SAMD12: variants seen among roughly 807,000 people sequenced by gnomAD.
SAMD12 encodes sterile alpha motif domain-containing protein 12.
SAMD12 carries 9 observed loss-of-function variants against 15.0 expected under a neutral mutation model. The ratio of observed to expected loss-of-function variants is 0.60; its 90% CI spans 0.36 to 1.05. The LOEUF is 1.05. SAMD12 is among the 50% of genes least tolerant of loss of function. The pLI is 0.01. For synonymous variants in SAMD12, 86 were observed against 90.1 expected (o/e 0.96, Z 0.25); for missense variants, 230 against 234.2 (o/e 0.98, Z 0.12).
At chr8:118,301,664 G>A (rs577889184) in intron 4 of SAMD12, among the ~76,000 whole-genome samples, 104 of 152,342 alleles carry the variant, frequency 6.8e-4, no homozygotes, top group South Asian at 4.1e-4. Flanking sequence ...AATGACATCT[G>A]TCGTGATGGA....
intron 4 of SAMD12, among the ~76,000 whole-genome samples, chr8:118,328,560 C>A (rs1197055092): frequency 6.6e-6 from 1 of 152,168 alleles, no homozygotes; most frequent in African/African-American, 2.4e-5. Context: ...CCTGGCCCAG[C>A]ACATAGGAGG....
At chr8:118,274,049 C>A (rs1276400272) in intron 4 of SAMD12, among the ~76,000 whole-genome samples, 1 of 152,132 alleles carries the variant, frequency 6.6e-6, no homozygotes, top group African/African-American at 2.4e-5. Context: ...AGGCTGATAT[C>A]ATTTTGTTTA....
the SAMD12 span, among the ~76,000 whole-genome samples, chr8:118,160,796 TTTA>T: frequency 1.3e-5 from 2 of 152,262 alleles, no homozygotes; most frequent in Admixed American, 1.3e-4. Flanking sequence ...TTTTTTTAAT[TTTA>T]TTATTATTAT....
intron 2 of SAMD12, among the ~76,000 whole-genome samples, chr8:118,559,162 T>C (rs1239505274): frequency 1.3e-5 from 2 of 152,148 alleles, no homozygotes; most frequent in South Asian, 2.1e-4. Flanking sequence ...GATCCTGGAG[T>C]GCATAGGAAG....
At chr8:118,377,855 A>G (rs1819466077), downstream of SAMD12, 3 of 152,220 alleles carry the variant, frequency 2.0e-5, no homozygotes, top group South Asian at 4.1e-4. Context: ...GACACTAAAC[A>G]GAAGCTGGGC....
chr8:118,208,765 CTG>C (rs750834276), intron 4 of SAMD12, among the ~76,000 whole-genome samples: 15 of 152,158 alleles, frequency 9.9e-5, no homozygotes, highest in Non-Finnish European at 1.5e-4. Context: ...CAGCGCCACT[CTG>C]TAGTGGAGAA....
intron 2 of SAMD12, among the ~76,000 whole-genome samples, chr8:118,465,339 T>C (rs144367766): frequency 2.8e-4 from 42 of 152,308 alleles, no homozygotes; most frequent in African/African-American, 9.9e-4. Context: ...TCTGGTACCA[T>C]GATGAACAAG....
At chr8:118,238,465 C>T (rs1162138237) in intron 4 of SAMD12, among the ~76,000 whole-genome samples, 1 of 152,126 alleles carries the variant, frequency 6.6e-6, no homozygotes, top group Non-Finnish European at 1.5e-5. Context: ...GACCCTGAAT[C>T]ATATCTCAGG....
At chr8:118,427,350 A>G (rs1822262950) in intron 3 of SAMD12, among the ~76,000 whole-genome samples, 1 of 152,234 alleles carries the variant, frequency 6.6e-6, no homozygotes, top group Non-Finnish European at 1.5e-5. Context: ...TTACTGAGAC[A>G]TAACTTACAT....
chr8:118,564,269 T>C (rs1826788180), intron 2 of SAMD12, among the ~76,000 whole-genome samples: 1 of 146,592 alleles, frequency 6.8e-6, no homozygotes, highest in Admixed American at 6.8e-5. Flanking sequence ...TATTTACCTC[T>C]AAGTCTCAAG....
At chr8:118,325,402 T>C (rs1816518218) in intron 4 of SAMD12, among the ~76,000 whole-genome samples, 1 of 152,156 alleles carries the variant, frequency 6.6e-6, no homozygotes, top group Admixed American at 6.5e-5. Context: ...CTGTGAAGAC[T>C]TCTCCTAATT....
intron 3 of SAMD12, among the ~76,000 whole-genome samples, chr8:118,414,311 C>T (rs1821575618): frequency 6.6e-6 from 1 of 152,084 alleles, no homozygotes; most frequent in South Asian, 2.1e-4. Flanking sequence ...TCTTTCCTTC[C>T]ATGGATAATG....
intron 2 of SAMD12, among the ~76,000 whole-genome samples, chr8:118,540,905 G>A (rs1825968817): frequency 6.6e-6 from 1 of 152,164 alleles, no homozygotes. Context: ...ATGGGGCAGT[G>A]ACTGGCCCAG....
At chr8:118,568,874 A>C (rs1394050579) in intron 2 of SAMD12, among the ~76,000 whole-genome samples, 1 of 152,218 alleles carries the variant, frequency 6.6e-6, no homozygotes, top group Non-Finnish European at 1.5e-5. Context: ...ATAAATACGC[A>C]ATAGAACAAC....
chr8:118,422,351 T>A (rs1202632865), intron 3 of SAMD12, among the ~76,000 whole-genome samples: 1 of 152,164 alleles, frequency 6.6e-6, no homozygotes, highest in Non-Finnish European at 1.5e-5. Context: ...ATACTAACAA[T>A]AATAGCTGTC....
At chr8:118,475,051 C>G (rs1257776316) in intron 2 of SAMD12, among the ~76,000 whole-genome samples, 1 of 152,034 alleles carries the variant, frequency 6.6e-6, no homozygotes, top group Non-Finnish European at 1.5e-5. Flanking sequence ...ACAGCCTGGC[C>G]AACATGGTGA....
Position 118,489,763 on chromosome 8 carries a change from T to C in SAMD12, c.193-49802A>G, listed in dbSNP as rs998139493. ...GTCCTTCTGTTCTAAGCCCAGTTGT[T>C]ATAATGGCTTCTGTTTTATTGTGTT... On this transcript the variant is annotated intron_variant, in intron 2 of 3. Transcript: ENST00000314727. Among the ~76,000 whole-genome samples the C allele has an allele frequency of 1.2e-4, 19 of 152,358 alleles. 1 individual carries two copies. Among genetic ancestry groups the C allele is most frequent in the Admixed American group, 1.2e-3 (19 of 15,292 alleles).
At chr8:118,241,223 T>C (rs898148814) in intron 4 of SAMD12, among the ~76,000 whole-genome samples, 3 of 152,182 alleles carry the variant, frequency 2.0e-5, no homozygotes, top group Admixed American at 2.0e-4. Flanking sequence ...TTCTTCATAC[T>C]CAAGTTTCTG....
intron 2 of SAMD12, among the ~76,000 whole-genome samples, chr8:118,487,923 C>T (rs72678135): frequency 0.041 from 6,259 of 152,196 alleles, 180 homozygotes; most frequent in Middle Eastern, 0.088. Context: ...ATTAATTTCA[C>T]CAGCGATATA....
Sources: gnomAD v4.1 joint callset for allele counts (sites outside exome capture counted in the v4.1 genomes callset) on GRCh38, gnomAD v4.1.1 for gene constraint, MANE v1.5 for transcripts, NCBI Gene and HGNC (gene_info 2026-07-23, HGNC 2026-07-21) for gene names.